KLHL7: variants seen among roughly 807,000 people sequenced by gnomAD.
The protein encoded by KLHL7 is kelch-like protein 7.
KLHL7 carries 44 observed loss-of-function variants against 67.4 expected under a neutral mutation model. The observed-to-expected ratio is 0.65, with a 90% CI of 0.51 to 0.84. The LOEUF (loss-of-function observed/expected upper bound fraction) is 0.84. Ranked by LOEUF, KLHL7 falls within the 40% of genes least tolerant of loss-of-function variation. KLHL7 has a pLI of 0.00. For missense variants in KLHL7, 362 were observed against 718.1 expected, an observed-to-expected ratio of 0.50 and a Z score of 5.67; for synonymous variants, 252 against 243.3, an observed-to-expected ratio of 1.04 and a Z score of -0.33.
Position 23,143,519 on chromosome 7 carries a change from C to A in KLHL7, c.619-332C>A, listed in dbSNP as rs117943114. Among the ~76,000 whole-genome samples, 6 of 152,044 alleles carry A rather than the reference C, an allele frequency of 3.9e-5. No homozygotes were observed. In the East Asian group the frequency reaches 1.2e-3, roughly 29 times the overall value. ...TAAACTAAATGAGTATATGTTGAAA[C>A]TTTTGTTGACTGATAGTTTTTTTTC... On this transcript the variant is annotated intron_variant, in intron 5 of 10. Coordinates refer to ENST00000339077, the MANE Select transcript of KLHL7 (RefSeq NM_001031710.3).
intron 4 of KLHL7, among the ~76,000 whole-genome samples, chr7:23,132,930 T>G (rs186052372): frequency 1.3e-5 from 2 of 152,328 alleles, no homozygotes; most frequent in African/African-American, 4.8e-5. Context: ...CTTGGCACCT[T>G]TGTTGAAAAT....
At chr7:23,125,272 C>CT in intron 4 of KLHL7, 100 bp downstream of exon 4, 1 of 1,255,516 alleles carries the variant, frequency 8.0e-7, no homozygotes, top group Non-Finnish European at 1.1e-6. Context: ...CGCATTTAAC[C>CT]TTAAAGACAT....
chr7:23,111,023 C>A (rs184175290), intron 1 of KLHL7, among the ~76,000 whole-genome samples: 3 of 152,194 alleles, frequency 2.0e-5, no homozygotes, highest in Non-Finnish European at 4.4e-5. Context: ...CAGTCCCAAT[C>A]CTCTTGTGGT....
intron 4 of KLHL7, among the ~76,000 whole-genome samples, chr7:23,138,480 AAAAAG>A (rs1339171952): frequency 2.7e-4 from 41 of 149,142 alleles, no homozygotes; most frequent in African/African-American, 8.4e-4. Flanking sequence ...AAAAAAAAAA[AAAAAG>A]AAGGTATAAA....
chr7:23,105,900 C>A lies in KLHL7; in HGVS notation c.-127C>A. Reference sequence around the variant, plus strand: ...GAGCCACCGCCGCCTGCCGCGCGTTCCAGAGCTGGGCGCTGCAGCTGCACT... The same window carrying A: ...GAGCCACCGCCGCCTGCCGCGCGTTACAGAGCTGGGCGCTGCAGCTGCACT... On this transcript the variant is annotated 5_prime_UTR_variant, in exon 1 of 11. Transcript: ENST00000339077. 1.4e-6 allele frequency: 2 copies of A among 1,437,128 alleles called. No homozygotes were observed. Among genetic ancestry groups the A allele is most frequent in the Non-Finnish European group, 1.9e-6 (2 of 1,058,988 alleles). The allele number at this position is 1,437,128 out of a possible 1,614,324, so 89.0% of individuals were successfully genotyped here.
intron 9 of KLHL7, 57 bp from the exon 10 acceptor site, chr7:23,172,891 A>C: frequency 8.4e-7 from 1 of 1,193,398 alleles, no homozygotes; most frequent in Non-Finnish European, 1.3e-6. Context: ...CTTTCTCATT[A>C]GTATGAGTTC....
In KLHL7 at chr7:23,143,637, A is replaced by C. The variant is rs1412842446; in HGVS notation, c.619-214A>C. Among the ~76,000 whole-genome samples, 5 of 152,124 alleles carry C rather than the reference A, an allele frequency of 3.3e-5. No individual in the cohort carries two copies. The East Asian group carries it at 9.6e-4, about 29-fold the overall frequency. ...CCTCCCTGTCATTACACTACATAATAGTAGTTAGTTCTAAAAAACATATTA... is the reference window on the plus strand; with the variant it reads ...CCTCCCTGTCATTACACTACATAATCGTAGTTAGTTCTAAAAAACATATTA... On this transcript the variant is annotated intron_variant, in intron 5 of 10. Transcript: ENST00000339077.
chr7:23,116,025 A>G (rs1295724752), intron 1 of KLHL7, among the ~76,000 whole-genome samples: 2 of 152,192 alleles, frequency 1.3e-5, no homozygotes, highest in African/African-American at 2.4e-5. Flanking sequence ...ATTGAGTTCT[A>G]TCTAATGACA....
At chr7:23,130,943 G>T (rs1477100357) in intron 4 of KLHL7, among the ~76,000 whole-genome samples, 25 of 152,144 alleles carry the variant, frequency 1.6e-4, no homozygotes, top group Admixed American at 1.5e-3. Flanking sequence ...GCAACAAAAA[G>T]AATTTACATA....
intron 1 of KLHL7, chr7:23,117,956 A>G (rs1783165901): frequency 1.2e-6 from 2 of 1,613,992 alleles, no homozygotes; most frequent in South Asian, 1.1e-5. Context: ...AAGCCACATA[A>G]ATCTAAAGGT....
At chr7:23,109,522 A>C (rs1473096583) in intron 1 of KLHL7, among the ~76,000 whole-genome samples, 1 of 152,218 alleles carries the variant, frequency 6.6e-6, no homozygotes, top group African/African-American at 2.4e-5. Context: ...GCATAACTGG[A>C]ACTTGAAAGC....
At chr7:23,129,373 T>C (rs1783709055) in intron 4 of KLHL7, 1 of 382,314 alleles carries the variant, frequency 2.6e-6, no homozygotes, top group Admixed American at 3.3e-5. Context: ...CAAGGGAAAC[T>C]CATCCCAAAT....
At chr7:23,124,144 T>C (rs1783465030) in intron 2 of KLHL7, among the ~76,000 whole-genome samples, 1 of 123,780 alleles carries the variant, frequency 8.1e-6, no homozygotes. Context: ...TGAGCCGAGA[T>C]TGCACCACTG....
At position 23,105,837 on chromosome 7, in the gene KLHL7, C is replaced by G. The variant is rs907736115; in HGVS notation, c.-190C>G. The G allele has an allele frequency of 3.6e-6, 3 of 842,176 alleles. No individual in the cohort carries two copies. In the Admixed American group the frequency reaches 6.6e-5, roughly 18 times the overall value. The allele number at this position is 842,176 out of a possible 1,614,324, so 52.2% of individuals were successfully genotyped here. On this transcript the variant is annotated 5_prime_UTR_variant, in exon 1 of 11. Transcript: ENST00000339077. The stretch of plus-strand genomic sequence containing the variant: ...TGGTAGCGTCGCTCCCTGAGCGTTT[C>G]TAAGGGGGCCGCCCGGCCTTGTCTT...
At chr7:23,126,651 C>T (rs147591128) in intron 4 of KLHL7, among the ~76,000 whole-genome samples, 1 of 152,150 alleles carries the variant, frequency 6.6e-6, no homozygotes, top group East Asian at 1.9e-4. Flanking sequence ...GGCTTTCCTC[C>T]TTCCGGACAC....
In KLHL7 at chr7:23,110,839, C is replaced by T. The variant is rs1782839856; in HGVS notation, c.120+4693C>T. Among the ~76,000 whole-genome samples the T allele has an allele frequency of 2.1e-5, 3 of 141,006 alleles. No homozygotes were observed. The South Asian group carries it at 6.7e-4, about 31-fold the overall frequency. The allele number at this position is 141,006 out of a possible 152,430, so 92.5% of individuals were successfully genotyped here. A position where few individuals can be genotyped will look rare whatever the true frequency, so the allele number is the denominator to read the frequency against. ...GTCCGTGTGTTCTCATTGTTCAAGT[C>T]CCACCTATGAGTGAGAACATGCGGT... On this transcript the variant is annotated intron_variant, in intron 1 of 10. Transcript: ENST00000339077.
In KLHL7 at chr7:23,138,524, C is replaced by A. The variant is rs960674732; in HGVS notation, c.443-2245C>A. 4.3e-5 allele frequency among the ~76,000 whole-genome samples: 6 copies of A among 139,166 alleles called. No homozygotes were observed. The South Asian group carries it at 7.1e-4, about 16-fold the overall frequency. 91.3% of individuals were successfully genotyped at this position (139,166 alleles called of 152,430 possible). On this transcript the variant is annotated intron_variant, in intron 4 of 10. Coordinates refer to ENST00000339077, the MANE Select transcript of KLHL7 (RefSeq NM_001031710.3). ...TGAAGCCAGTAACCTCAGAAACAATCAAAAAAGTAAAGATGTATTTCTTTT... is the reference window on the plus strand; with the variant it reads ...TGAAGCCAGTAACCTCAGAAACAATAAAAAAAGTAAAGATGTATTTCTTTT...
intron 4 of KLHL7, among the ~76,000 whole-genome samples, chr7:23,131,204 T>G (rs1233662517): frequency 3.9e-5 from 6 of 152,208 alleles, no homozygotes; most frequent in Admixed American, 2.0e-4. Flanking sequence ...AAAACTCGAC[T>G]GTCTTCCATG....
intron 1 of KLHL7, among the ~76,000 whole-genome samples, chr7:23,120,280 G>A (rs1583649917): frequency 6.6e-6 from 1 of 152,196 alleles, no homozygotes; most frequent in Middle Eastern, 3.4e-3. Context: ...AAAGTGTTTG[G>A]GATTACAGGC....
Sources: allele counts gnomAD v4.1 joint callset (sites outside exome capture counted in the v4.1 genomes callset), GRCh38; gene constraint gnomAD v4.1.1; transcripts MANE v1.5; gene names NCBI Gene and HGNC (gene_info 2026-07-23, HGNC 2026-07-21).